FEZ1: variants seen among roughly 807,000 people sequenced by gnomAD.
FEZ1 encodes the protein fasciculation and elongation protein zeta-1.
A neutral mutation model predicts 49.3 loss-of-function variants in FEZ1; 20 were observed. That is an observed-to-expected ratio of 0.41 (90% CI 0.29 to 0.59). The LOEUF (loss-of-function observed/expected upper bound fraction) is 0.59. Among genes scored for constraint, FEZ1 ranks in the 20% least tolerant of loss-of-function variants. The probability of loss-of-function intolerance (pLI) is 0.36; values close to 1 mark genes in which losing one functional copy is unlikely to be tolerated. For synonymous variants in FEZ1, 170 were observed against 180.9 expected (o/e 0.94, Z 0.48); for missense variants, 413 against 476.0 (o/e 0.87, Z 1.23).
intron 6 of FEZ1, chr11:125,455,306 G>C (rs1169864585): frequency 6.5e-6 from 1 of 153,452 alleles, no homozygotes; most frequent in African/African-American, 2.4e-5. Flanking sequence ...CAGGAGAATT[G>C]CTTGAGCCCA....
chr11:125,459,109 T>A (rs1030449647), intron 5 of FEZ1, among the ~76,000 whole-genome samples: 8 of 151,822 alleles, frequency 5.3e-5, no homozygotes, highest in Admixed American at 4.6e-4. Flanking sequence ...AACATAATCA[T>A]CTCTCATTGT....
chr11:125,486,973 C>T (rs1217715298), intron 2 of FEZ1, among the ~76,000 whole-genome samples: 2 of 152,164 alleles, frequency 1.3e-5, no homozygotes, highest in African/African-American at 2.4e-5. Context: ...CCAGCTTCCT[C>T]CCGCTACACT....
At chr11:125,483,541 T>C (rs906979381) in intron 2 of FEZ1, among the ~76,000 whole-genome samples, 3 of 152,342 alleles carry the variant, frequency 2.0e-5, no homozygotes, top group Admixed American at 6.5e-5. Context: ...CCAAGTGCCA[T>C]TAGCATTCTA....
At chr11:125,475,476 T>C (rs1334924958) in intron 3 of FEZ1, among the ~76,000 whole-genome samples, 2 of 152,068 alleles carry the variant, frequency 1.3e-5, no homozygotes, top group South Asian at 2.1e-4. Flanking sequence ...ATTACAGCTC[T>C]CAAACTGGGC....
chr11:125,493,028 T>C (rs968969574), intron 1 of FEZ1, among the ~76,000 whole-genome samples: 1 of 145,318 alleles, frequency 6.9e-6, no homozygotes, highest in Non-Finnish European at 1.5e-5. Context: ...CTAACTTACA[T>C]AGAAATGTGA....
At chr11:125,458,558 T>C (rs945294977) in intron 5 of FEZ1, among the ~76,000 whole-genome samples, 11 of 152,176 alleles carry the variant, frequency 7.2e-5, no homozygotes, top group African/African-American at 2.4e-4. Context: ...TTCTCCCCGT[T>C]GAAAATAAGG....
intron 2 of FEZ1, among the ~76,000 whole-genome samples, chr11:125,485,701 T>A (rs535413944): frequency 6.6e-6 from 1 of 151,250 alleles, no homozygotes; most frequent in Admixed American, 6.6e-5. Context: ...TTTGGGAGGC[T>A]GAGGCGGGTG....
intron 3 of FEZ1, among the ~76,000 whole-genome samples, chr11:125,472,136 C>T (rs990278258): frequency 1.3e-5 from 2 of 151,880 alleles, no homozygotes; most frequent in Non-Finnish European, 2.9e-5. Context: ...AATTTTATAG[C>T]TTTAAGTTTT....
intron 3 of FEZ1, among the ~76,000 whole-genome samples, chr11:125,467,688 A>G (rs932380071): frequency 1.3e-5 from 2 of 152,114 alleles, no homozygotes; most frequent in Non-Finnish European, 2.9e-5. Flanking sequence ...AAAATGAACA[A>G]AATTAGCCAG....
chr11:125,468,706 G>C (rs1183390059), intron 3 of FEZ1, among the ~76,000 whole-genome samples: 1 of 152,134 alleles, frequency 6.6e-6, no homozygotes, highest in Non-Finnish European at 1.5e-5. Flanking sequence ...GGCCCAGCAG[G>C]CTCAGCAGGG....
At chr11:125,475,185 G>T (rs559103694) in intron 3 of FEZ1, among the ~76,000 whole-genome samples, 4 of 151,664 alleles carry the variant, frequency 2.6e-5, no homozygotes, top group African/African-American at 9.7e-5. Context: ...TGTGAAGATT[G>T]CTTGAGTCCG....
At chr11:125,478,539 G>A (rs1783928) in intron 3 of FEZ1, among the ~76,000 whole-genome samples, 245 of 152,326 alleles carry the variant, frequency 1.6e-3, no homozygotes, top group Non-Finnish European at 2.4e-3. Context: ...AGCATGCCAA[G>A]CGCTTTTGGT....
At chr11:125,471,636 TA>T in intron 3 of FEZ1, among the ~76,000 whole-genome samples, 1 of 152,048 alleles carries the variant, frequency 6.6e-6, no homozygotes, top group East Asian at 1.9e-4. Context: ...TCAACAGAAC[TA>T]AAGAAATAGA....
At chr11:125,468,542 G>A (rs1402438534) in intron 3 of FEZ1, among the ~76,000 whole-genome samples, 4 of 152,100 alleles carry the variant, frequency 2.6e-5, no homozygotes, top group African/African-American at 7.2e-5. Context: ...ATAGTAGAAG[G>A]TGGGTACACA....
In FEZ1 at chr11:125,444,548, G is replaced by T. The variant is rs1185644636; in HGVS notation, c.*1547C>A. 6.6e-6 allele frequency among the ~76,000 whole-genome samples: 1 copy of T among 151,830 alleles called. No homozygotes were observed. Among genetic ancestry groups the T allele is most frequent in the Non-Finnish European group, 1.5e-5 (1 of 67,950 alleles). On this transcript the variant is annotated 3_prime_UTR_variant, in exon 10 of 10. Transcript: ENST00000278919. ...TGCGGCGAGCTGAGATAGCGCCATT[G>T]TACTCCAGCCTGAGCAACAAGAGTC...
In FEZ1 at chr11:125,455,854, C is replaced by T; in HGVS notation, c.920G>A (p.Gly307Glu). Residue 307 changes from glycine to glutamate, a missense_variant, in exon 6 of 10, where the codon GGA (glycine) becomes GAA (glutamate). Physicochemically the swap from Gly to Glu is moderately conservative, Grantham distance 98. Coordinates refer to ENST00000278919, the MANE Select transcript of FEZ1 (RefSeq NM_005103.5). ...LSLQSSRIEK[G>E]NQMPLKRFSM... Reference sequence around the variant, plus strand: ...ACCTACCTTGAGAGGCATCTGGTTTCCCTTCTCTATCCGGCTGCTCTGCAG... The same window carrying T: ...ACCTACCTTGAGAGGCATCTGGTTTTCCTTCTCTATCCGGCTGCTCTGCAG... The T allele has an allele frequency of 6.2e-7, 1 of 1,614,036 alleles. No individual in the cohort carries two copies. Among genetic ancestry groups the T allele is most frequent in the Non-Finnish European group, 8.5e-7 (1 of 1,179,998 alleles).
At chr11:125,452,796 C>T (rs1408298222) in intron 7 of FEZ1, 3 of 168,662 alleles carry the variant, frequency 1.8e-5, no homozygotes, top group Admixed American at 6.1e-5. Flanking sequence ...GCAAGAGAAC[C>T]TCAACCCCGC....
chr11:125,449,597 T>C (rs1269572436), intron 8 of FEZ1, among the ~76,000 whole-genome samples: 3 of 152,172 alleles, frequency 2.0e-5, no homozygotes, highest in Non-Finnish European at 4.4e-5. Context: ...AACTGTTAAG[T>C]AGTTATCTCT....
chr11:125,480,446 C>T (rs1174821819), intron 3 of FEZ1, among the ~76,000 whole-genome samples: 1 of 152,166 alleles, frequency 6.6e-6, no homozygotes, highest in African/African-American at 2.4e-5. Context: ...TGGGCCCCAC[C>T]TCTGGCCATT....
Sources: gnomAD v4.1 joint callset for allele counts (sites outside exome capture counted in the v4.1 genomes callset) on GRCh38, gnomAD v4.1.1 for gene constraint, MANE v1.5 for transcripts, NCBI Gene and HGNC (gene_info 2026-07-23, HGNC 2026-07-21) for gene names.